The following CDK6 variants were observed in gnomAD, a reference collection of about 807,000 sequenced individuals.
The protein encoded by CDK6 is cyclin-dependent kinase 6.
CDK6 carries 6 observed loss-of-function variants against 37.1 expected under a neutral mutation model. The ratio of observed to expected loss-of-function variants is 0.16; its 90% CI spans 0.09 to 0.32. CDK6 has a LOEUF of 0.32. Ranked by LOEUF, CDK6 falls within the 10% of genes least tolerant of loss-of-function variation. The pLI, the probability that CDK6 is intolerant of heterozygous loss-of-function variation, is 1.00. For missense variants in CDK6, 224 were observed against 418.9 expected, an observed-to-expected ratio of 0.53 and a Z score of 4.06; for synonymous variants, 160 against 161.3, an observed-to-expected ratio of 0.99 and a Z score of 0.06.
chr7:92,660,552 T>G (rs1796812736), intron 5 of CDK6, among the ~76,000 whole-genome samples: 1 of 152,216 alleles, frequency 6.6e-6, no homozygotes, highest in Non-Finnish European at 1.5e-5. Flanking sequence ...TTAGCAAGAT[T>G]TTGAAAAACA....
intron 2 of CDK6, among the ~76,000 whole-genome samples, chr7:92,796,451 ATATTT>A (rs1037557538): frequency 1.3e-5 from 2 of 152,116 alleles, no homozygotes; most frequent in African/African-American, 4.8e-5. Flanking sequence ...AGAGAAAATA[ATATTT>A]TATAAGTTGC....
intron 3 of CDK6, among the ~76,000 whole-genome samples, chr7:92,768,145 G>T (rs933003311): frequency 6.6e-6 from 1 of 152,156 alleles, no homozygotes; most frequent in Non-Finnish European, 1.5e-5. Flanking sequence ...GGAGAGACAA[G>T]GGATGCTGAA....
At chr7:92,667,343 G>A (rs1269113994) in intron 5 of CDK6, among the ~76,000 whole-genome samples, 1 of 150,596 alleles carries the variant, frequency 6.6e-6, no homozygotes, top group African/African-American at 2.4e-5. Flanking sequence ...TACTACAGAT[G>A]TGTGCTACCA....
In CDK6 at chr7:92,674,934, C is replaced by T. The variant is rs557279017; in HGVS notation, c.538-3399G>A. 1.6e-3 allele frequency among the ~76,000 whole-genome samples: 239 copies of T among 152,312 alleles called. 1 individual carries two copies. Among genetic ancestry groups the T allele is most frequent in the African/African-American group, 5.2e-3 (218 of 41,564 alleles). On this transcript the variant is annotated intron_variant, in intron 4 of 7. Transcript: ENST00000424848. ...GCAATGTCCACCTTCCAGGCTGAAG[C>T]GAGTCTCGTGTCTCAGCCTCCCAGG... is the stretch of plus-strand genomic sequence containing the variant.
At chr7:92,706,226 C>A (rs953735329) in intron 4 of CDK6, among the ~76,000 whole-genome samples, 2 of 152,154 alleles carry the variant, frequency 1.3e-5, no homozygotes, top group African/African-American at 4.8e-5. Context: ...TGGCTCAGTA[C>A]AGAAATAACA....
chr7:92,747,878 G>C lies in CDK6; in HGVS notation c.370-22085C>G, dbSNP rs573090432. 9.9e-5 allele frequency among the ~76,000 whole-genome samples: 15 copies of C among 152,222 alleles called. No homozygotes were observed. The South Asian group carries it at 3.1e-3, about 32-fold the overall frequency. On this transcript the variant is annotated intron_variant, in intron 3 of 7. Coordinates refer to ENST00000424848, the MANE Select transcript of CDK6 (RefSeq NM_001145306.2). The stretch of plus-strand genomic sequence containing the variant: ...CTAGGTTGTATTTCTTTGCTAGGTA[G>C]GCTTTCTTGTTCCCATATAAAGCAG...
At chr7:92,732,462 C>T (rs1333712575) in intron 3 of CDK6, among the ~76,000 whole-genome samples, 2 of 152,196 alleles carry the variant, frequency 1.3e-5, no homozygotes. Context: ...GGACAAAATA[C>T]TTTCTTATCT....
Position 92,629,333 on chromosome 7 carries a change from G to A in CDK6, c.648-6247C>T, listed in dbSNP as rs192889436. Among the ~76,000 whole-genome samples the A allele has an allele frequency of 2.6e-4, 39 of 152,098 alleles. No individual in the cohort carries two copies. The East Asian group carries it at 7.2e-3, about 28-fold the overall frequency. ...GCTGAATTAATTTTTCCTTGTTACCGATGTGAATAATTTATTTATCCACAG... is the reference window on the plus strand; with the variant it reads ...GCTGAATTAATTTTTCCTTGTTACCAATGTGAATAATTTATTTATCCACAG... On this transcript the variant is annotated intron_variant, in intron 5 of 7. Transcript: ENST00000424848.
At chr7:92,685,388 G>T (rs1424160565) in intron 4 of CDK6, among the ~76,000 whole-genome samples, 1 of 152,170 alleles carries the variant, frequency 6.6e-6, no homozygotes, top group African/African-American at 2.4e-5. Flanking sequence ...GTTGCTGCAT[G>T]CAAACACTAC....
chr7:92,680,342 G>C (rs1015370849), intron 4 of CDK6, among the ~76,000 whole-genome samples: 2 of 140,204 alleles, frequency 1.4e-5, no homozygotes, highest in East Asian at 4.7e-4. Context: ...TGAGGCAGGA[G>C]AATCGCTGGA....
At position 92,613,892 on chromosome 7, in the gene CDK6, T is replaced by C. The variant is rs138224572; in HGVS notation, c.*1248A>G. On this transcript the variant is annotated 3_prime_UTR_variant, in exon 8 of 8. Transcript: ENST00000424848. ...TTTGCAGAATCGAGGCCATAAACCA[T>C]AAGCTGAGACTGCGAATTTATGAAA... 4 of 233,222 alleles carry C rather than the reference T, an allele frequency of 1.7e-5. No homozygotes were observed. Among genetic ancestry groups the C allele is most frequent in the Non-Finnish European group, 3.4e-5 (4 of 118,010 alleles). 14.4% of individuals were successfully genotyped at this position (233,222 alleles called of 1,614,324 possible). A position where few individuals can be genotyped will look rare whatever the true frequency, so the allele number is the denominator to read the frequency against.
At chr7:92,672,240 C>CAT (rs1797105716) in intron 4 of CDK6, among the ~76,000 whole-genome samples, 1 of 143,254 alleles carries the variant, frequency 7.0e-6, no homozygotes, top group South Asian at 2.4e-4. Flanking sequence ...CACACACACA[C>CAT]ACATATATGA....
chr7:92,818,035 C>A (rs1187330067), intron 2 of CDK6, among the ~76,000 whole-genome samples: 1 of 151,956 alleles, frequency 6.6e-6, no homozygotes, highest in African/African-American at 2.4e-5. Context: ...GTGTCAATAT[C>A]TATGCCTTCG....
At chr7:92,687,259 ATC>A (rs1378965366) in intron 4 of CDK6, among the ~76,000 whole-genome samples, 1 of 152,210 alleles carries the variant, frequency 6.6e-6, no homozygotes, top group Non-Finnish European at 1.5e-5. Context: ...ATCTGCTTCC[ATC>A]TCTGTTACCC....
chr7:92,803,954 T>C (rs1163032016), intron 2 of CDK6, among the ~76,000 whole-genome samples: 1 of 152,212 alleles, frequency 6.6e-6, no homozygotes, highest in East Asian at 1.9e-4. Context: ...TCTACCGTAT[T>C]CATAGATCTC....
At chr7:92,672,024 T>A (rs2116604649) in intron 4 of CDK6, among the ~76,000 whole-genome samples, 1 of 150,316 alleles carries the variant, frequency 6.7e-6, no homozygotes, top group East Asian at 2.0e-4. Context: ...AAAAACTACA[T>A]ACTGGGTAAA....
chr7:92,702,591 AG>A (rs1797877307), intron 4 of CDK6, among the ~76,000 whole-genome samples: 1 of 152,158 alleles, frequency 6.6e-6, no homozygotes, highest in African/African-American at 2.4e-5. Context: ...TGATGAGAAT[AG>A]AAACATTTGC....
chr7:92,719,547 G>T (rs2116697765), intron 4 of CDK6, among the ~76,000 whole-genome samples: 1 of 152,190 alleles, frequency 6.6e-6, no homozygotes, highest in East Asian at 1.9e-4. Context: ...TGGAGAAAGA[G>T]AATATAATTC....
At chr7:92,757,455 C>T (rs1377594231) in intron 3 of CDK6, among the ~76,000 whole-genome samples, 1 of 152,200 alleles carries the variant, frequency 6.6e-6, no homozygotes, top group African/African-American at 2.4e-5. Flanking sequence ...GCCTCCAGTT[C>T]TATCCATGTT....
Sources: gnomAD v4.1 joint callset for allele counts (sites outside exome capture counted in the v4.1 genomes callset) on GRCh38, gnomAD v4.1.1 for gene constraint, MANE v1.5 for transcripts, NCBI Gene and HGNC (gene_info 2026-07-23, HGNC 2026-07-21) for gene names.